The following POLD3 variants were observed in gnomAD, a reference collection of about 807,000 sequenced individuals.
POLD3 encodes DNA polymerase delta 3, accessory subunit.
In POLD3, 19 loss-of-function variants were observed where a neutral mutation model predicts 58.2. The observed-to-expected ratio is 0.33, with a 90% confidence interval of 0.23 to 0.48. The LOEUF (loss-of-function observed/expected upper bound fraction) is 0.48, where lower values mean the gene tolerates loss of function less well. Ranked by LOEUF, POLD3 falls within the 20% of genes least tolerant of loss-of-function variation. The pLI, the probability that POLD3 is intolerant of heterozygous loss-of-function variation, is 0.99. For synonymous variants in POLD3, 172 were observed against 193.5 expected (o/e 0.89, Z 0.92); for missense variants, 504 against 545.5 (o/e 0.92, Z 0.76).
chr11:74,611,663 T>A (rs1314515717), intron 4 of POLD3, 125 bp downstream of exon 4: 13 of 617,262 alleles, frequency 2.1e-5, no homozygotes, highest in Non-Finnish European at 3.7e-5. Flanking sequence ...CCAATATTCA[T>A]TTTATGAGTA....
chr11:74,616,735 G>A (rs1219361496), intron 5 of POLD3, among the ~76,000 whole-genome samples: 1 of 152,152 alleles, frequency 6.6e-6, no homozygotes, highest in African/African-American at 2.4e-5. Context: ...TAGCTTTGGG[G>A]CTGCCCAGTC....
chr11:74,630,780 C>T (rs964611743), intron 9 of POLD3, among the ~76,000 whole-genome samples: 1 of 151,950 alleles, frequency 6.6e-6, no homozygotes, highest in African/African-American at 2.4e-5. Flanking sequence ...AAGCTATCAA[C>T]TAGATACTCT....
At chr11:74,647,579 A>T (rs1448643140), downstream of POLD3, among the ~76,000 whole-genome samples, 1 of 152,142 alleles carries the variant, frequency 6.6e-6, no homozygotes, top group Non-Finnish European at 1.5e-5. Context: ...TAAGAAGAAT[A>T]TATTGGTGCA....
At chr11:74,636,686 T>C (rs1381297610) in intron 11 of POLD3, among the ~76,000 whole-genome samples, 2 of 152,220 alleles carry the variant, frequency 1.3e-5, no homozygotes, top group Admixed American at 6.5e-5. Context: ...CTAGAATATT[T>C]GTTTTTATAA....
chr11:74,605,612 G>A (rs910924640), intron 3 of POLD3, among the ~76,000 whole-genome samples: 3 of 152,152 alleles, frequency 2.0e-5, no homozygotes, highest in Middle Eastern at 3.4e-3. Flanking sequence ...AGGTTCTTTC[G>A]GGCATAAAAA....
intron 4 of POLD3, among the ~76,000 whole-genome samples, chr11:74,665,352 C>G (rs1248522915): frequency 6.8e-6 from 1 of 147,212 alleles, no homozygotes; most frequent in African/African-American, 2.5e-5. Context: ...ATTAATAGAG[C>G]CAGAAGGAGC....
chr11:74,629,835 A>G (rs567623507), intron 9 of POLD3, among the ~76,000 whole-genome samples: 1 of 152,258 alleles, frequency 6.6e-6, no homozygotes, highest in South Asian at 2.1e-4. Flanking sequence ...TTTACCGGGA[A>G]CATTAATATG....
At chr11:74,651,091 T>G (rs929028337) in intron 4 of POLD3, among the ~76,000 whole-genome samples, 1 of 152,224 alleles carries the variant, frequency 6.6e-6, no homozygotes, top group Non-Finnish European at 1.5e-5. Context: ...CTCTGCTAAT[T>G]GTGTATCTGT....
In POLD3 at chr11:74,594,959, A is replaced by G. The variant is rs140369752; in HGVS notation, c.116+843A>G. 7.0e-3 allele frequency among the ~76,000 whole-genome samples: 1,062 copies of G among 152,264 alleles called. 17 individuals carry two copies. Among genetic ancestry groups the G allele is most frequent in the African/African-American group, 0.024 (999 of 41,554 alleles). On this transcript the variant is annotated intron_variant, in intron 2 of 11. Transcript: ENST00000263681. ...GTGGGGATTATTACAATTCAAGTTG[A>G]GATTTGGGTGGGGACACAGCCAAAC...
chr11:74,631,567 C>G (rs1482858843), intron 9 of POLD3, among the ~76,000 whole-genome samples: 3 of 150,392 alleles, frequency 2.0e-5, no homozygotes, highest in African/African-American at 7.4e-5. Context: ...TCACTGCAAC[C>G]TCCGTCTCCC....
chr11:74,668,875 C>A, exon 5 of POLD3: 2 of 1,005,158 alleles, frequency 2.0e-6, no homozygotes, highest in Non-Finnish European at 1.4e-6. Context: ...CTGAAGATCT[C>A]AAGCCTCGGA....
rs898693620 is a variant in POLD3, at chr11:74,640,736, G to A, written c.1371G>A (p.Val457=). 1.2e-6 allele frequency: 2 copies of A among 1,602,580 alleles called. No homozygotes were observed. The highest frequency in any genetic ancestry group is 1.3e-5 in the African/African-American group (1 of 74,204). The stretch of plus-strand genomic sequence containing the variant: ...CTCTGGGCAAAGCCAACAGACAGGT[G>A]TCCATTACTGGCTTCTTCCAGAGGA... ...TAALGKANRQ[V]SITGFFQRK The change falls in exon 12 of 12, where the codon GTG becomes GTA. Residue 457 remains valine, a synonymous_variant. Transcript: ENST00000263681.
intron 5 of POLD3, among the ~76,000 whole-genome samples, chr11:74,617,743 A>G (rs1356520007): frequency 1.3e-5 from 2 of 151,756 alleles, no homozygotes; most frequent in East Asian, 1.9e-4. Context: ...ATTTTGAGAC[A>G]GCATCTCACT....
intron 9 of POLD3, among the ~76,000 whole-genome samples, chr11:74,633,349 T>C (rs921307065): frequency 2.0e-5 from 3 of 152,184 alleles, no homozygotes; most frequent in Admixed American, 6.5e-5. Context: ...TATGTTTCTC[T>C]CTCTTGTTTC....
chr11:74,646,155 T>C (rs1338456443), downstream of POLD3, among the ~76,000 whole-genome samples: 3 of 152,140 alleles, frequency 2.0e-5, no homozygotes, highest in African/African-American at 7.2e-5. Flanking sequence ...GTATTTTTAG[T>C]AGAGACGGGG....
rs937334165 is a variant in POLD3 at position 74,642,257 on chromosome 11, A to T, written c.*1491A>T. 5.1e-6 allele frequency: 5 copies of T among 985,164 alleles called. No individual in the cohort carries two copies. In the African/African-American group the frequency reaches 8.7e-5, roughly 17 times the overall value. 61.0% of individuals were successfully genotyped at this position (985,164 alleles called of 1,614,324 possible). A position where few individuals can be genotyped will look rare whatever the true frequency, so the allele number is the denominator to read the frequency against. On this transcript the variant is annotated 3_prime_UTR_variant, in exon 12 of 12. Transcript: ENST00000263681. ...GATGAGTCCTGGCATTATGTCTAGG[A>T]CTAAAGCAGTGGCTTTGTATAGCAA...
intron 6 of POLD3, 70 bp from the exon 7 acceptor site, chr11:74,619,947 G>C: frequency 8.2e-7 from 1 of 1,221,924 alleles, no homozygotes; most frequent in Admixed American, 1.7e-5. Context: ...AGAAGAGTTT[G>C]TTTGAGACTG....
chr11:74,659,653 C>T (rs778958324), intron 4 of POLD3, among the ~76,000 whole-genome samples: 1 of 151,676 alleles, frequency 6.6e-6, no homozygotes, highest in African/African-American at 2.4e-5. Flanking sequence ...CAAAGCTCCA[C>T]AGATCTCTAG....
At chr11:74,658,462 G>A (rs1409166428) in intron 4 of POLD3, among the ~76,000 whole-genome samples, 1 of 152,014 alleles carries the variant, frequency 6.6e-6, no homozygotes, top group Non-Finnish European at 1.5e-5. Flanking sequence ...CTTCCCAACA[G>A]TCCCCCAAAG....
Sources: allele counts gnomAD v4.1 joint callset (sites outside exome capture counted in the v4.1 genomes callset), GRCh38; gene constraint gnomAD v4.1.1; transcripts MANE v1.5; gene names NCBI Gene and HGNC (gene_info 2026-07-23, HGNC 2026-07-21).